The following CNKSR2 variants were observed in gnomAD, a reference collection of about 807,000 sequenced individuals.
CNKSR2 encodes CNK homolog protein 2.
In CNKSR2, 14 loss-of-function variants were observed where a neutral mutation model predicts 84.4. The observed-to-expected ratio is 0.17, with a 90% CI of 0.11 to 0.26. The LOEUF is 0.26. Ranked by LOEUF, CNKSR2 falls within the 10% of genes least tolerant of loss-of-function variation. The pLI is 1.00. For missense variants in CNKSR2, 485 were observed against 771.2 expected, an observed-to-expected ratio of 0.63 and a Z score of 4.40; for synonymous variants, 275 against 277.9, an observed-to-expected ratio of 0.99 and a Z score of 0.10.
intron 1 of CNKSR2, among the ~76,000 whole-genome samples, chrX:21,376,486 G>T (rs2089817599): frequency 9.0e-6 from 1 of 111,516 alleles, no homozygotes; most frequent in Non-Finnish European, 1.9e-5. Flanking sequence ...GGTGCCATGG[G>T]GGATATAAAG....
chrX:21,647,874 A>T (rs1386463684), intron 20 of CNKSR2, among the ~76,000 whole-genome samples: 1 of 111,670 alleles, frequency 9.0e-6, no homozygotes, highest in Admixed American at 9.5e-5. Context: ...CTATCTATTT[A>T]AAAAAAGATG....
At chrX:21,641,707 C>T (rs892018166) in intron 20 of CNKSR2, 1 of 1,083,998 alleles carries the variant, frequency 9.2e-7, no homozygotes. Flanking sequence ...CTAAAATGGC[C>T]TCGTCCTTGC....
intron 4 of CNKSR2, among the ~76,000 whole-genome samples, chrX:21,441,812 C>T (rs930224676): frequency 9.0e-6 from 1 of 111,566 alleles, no homozygotes; most frequent in African/African-American, 3.2e-5. Context: ...CATTTATTAC[C>T]AGGCTTTCAA....
At chrX:21,642,862 C>T (rs2092696063) in intron 20 of CNKSR2, 1 of 739,569 alleles carries the variant, frequency 1.4e-6, no homozygotes, top group African/African-American at 2.3e-5. Flanking sequence ...ATTGATCTGC[C>T]TTACAATTGC....
chrX:21,510,401 T>C (rs1349942664), intron 8 of CNKSR2, among the ~76,000 whole-genome samples: 2 of 111,767 alleles, frequency 1.8e-5, no homozygotes, highest in Non-Finnish European at 3.8e-5. Flanking sequence ...CTTACCTTTA[T>C]GTTTATTTGT....
At chrX:21,379,951 A>C (rs1203073167) in intron 1 of CNKSR2, among the ~76,000 whole-genome samples, 1 of 111,597 alleles carries the variant, frequency 9.0e-6, no homozygotes, top group Non-Finnish European at 1.9e-5. Context: ...TGTATACTAA[A>C]TGTAGCGGCA....
chrX:21,587,804 T>C (rs1005454307), intron 13 of CNKSR2, among the ~76,000 whole-genome samples: 1 of 111,873 alleles, frequency 8.9e-6, no homozygotes, highest in African/African-American at 3.3e-5. Context: ...TCTTTTTGAA[T>C]GTGAGGCTCT....
intron 1 of CNKSR2, among the ~76,000 whole-genome samples, chrX:21,413,642 T>G (rs2090375873): frequency 9.0e-6 from 1 of 110,729 alleles, no homozygotes; most frequent in Admixed American, 9.6e-5. Flanking sequence ...TTCCCTCCCT[T>G]TGGTAACCAT....
In CNKSR2 at chrX:21,400,881, A is replaced by T. The variant is rs766118428; in HGVS notation, c.65-25616A>T. 6.3e-5 allele frequency among the ~76,000 whole-genome samples: 7 copies of T among 111,513 alleles called. No individual in the cohort carries two copies. The East Asian group carries it at 1.7e-3, about 27-fold the overall frequency. On this transcript the variant is annotated intron_variant, in intron 1 of 21. Transcript: ENST00000379510. Reference sequence around the variant, plus strand: ...CTTGCCTAAATTTAGAGGTTTCATTATGTGTGGGCTGAAAGGGCAGATGAA... The same window carrying T: ...CTTGCCTAAATTTAGAGGTTTCATTTTGTGTGGGCTGAAAGGGCAGATGAA...
chrX:21,503,572 A>G (rs905375934), intron 8 of CNKSR2: 2 of 203,975 alleles, frequency 9.8e-6, no homozygotes, highest in African/African-American at 2.9e-5. Flanking sequence ...TCTTACTTCA[A>G]TTTTATTATA....
intron 1 of CNKSR2, among the ~76,000 whole-genome samples, chrX:21,412,175 C>T (rs2090354092): frequency 9.0e-6 from 1 of 111,594 alleles, no homozygotes; most frequent in Non-Finnish European, 1.9e-5. Context: ...TAGACGTGTC[C>T]TCAGAAGTAA....
Position 21,653,595 on chromosome X carries a change from C to G in CNKSR2, c.*1074C>G, listed in dbSNP as rs2092725600. 9.1e-6 allele frequency: 1 copy of G among 109,879 alleles called. No individual in the cohort carries two copies. Among genetic ancestry groups the G allele is most frequent in the African/African-American group, 3.3e-5 (1 of 30,248 alleles). 9.1% of individuals were successfully genotyped at this position (109,879 alleles called of 1,213,427 possible). A position where few individuals can be genotyped will look rare whatever the true frequency, so the allele number is the denominator to read the frequency against. Reference sequence around the variant, plus strand: ...AAAAATGTACTTCCCTTCTAAGGAGCAAGCAGGTGATGGTCATTCAAAGAG... The same window carrying G: ...AAAAATGTACTTCCCTTCTAAGGAGGAAGCAGGTGATGGTCATTCAAAGAG... On this transcript the variant is annotated 3_prime_UTR_variant, in exon 22 of 22. Coordinates refer to ENST00000379510, the MANE Select transcript of CNKSR2 (RefSeq NM_014927.5).
At chrX:21,527,658 C>G (rs1433801584) in intron 10 of CNKSR2, among the ~76,000 whole-genome samples, 2 of 110,752 alleles carry the variant, frequency 1.8e-5, no homozygotes, top group Non-Finnish European at 3.8e-5. Flanking sequence ...AGCTTTATGT[C>G]ATAATGCATT....
chrX:21,559,293 G>A (rs2092166732), intron 11 of CNKSR2, among the ~76,000 whole-genome samples: 1 of 110,270 alleles, frequency 9.1e-6, no homozygotes, highest in Non-Finnish European at 1.9e-5. Flanking sequence ...CCTGAGAGAG[G>A]ATTCAGGGTG....
intron 20 of CNKSR2, among the ~76,000 whole-genome samples, chrX:21,624,205 A>G (rs1418620286): frequency 8.9e-6 from 1 of 112,272 alleles, no homozygotes; most frequent in East Asian, 2.8e-4. Context: ...AAAGAAAGAA[A>G]GAAAACAAAG....
chrX:21,569,418 C>T, intron 13 of CNKSR2, among the ~76,000 whole-genome samples: 1 of 111,800 alleles, frequency 8.9e-6, no homozygotes, highest in Non-Finnish European at 1.9e-5. Flanking sequence ...AGCATTATAT[C>T]CACAGTAGAA....
intron 21 of CNKSR2, among the ~76,000 whole-genome samples, chrX:21,651,030 G>C (rs1161071906): frequency 1.8e-5 from 2 of 111,420 alleles, no homozygotes; most frequent in Non-Finnish European, 3.8e-5. Flanking sequence ...TTAGATTCAT[G>C]GATCTTAAAG....
chrX:21,624,570 C>T (rs1429290146), intron 20 of CNKSR2, among the ~76,000 whole-genome samples: 1 of 110,351 alleles, frequency 9.1e-6, no homozygotes, highest in African/African-American at 3.3e-5. Context: ...AGTGCGGTGG[C>T]GCGATCACAG....
intron 8 of CNKSR2, among the ~76,000 whole-genome samples, chrX:21,508,514 T>A (rs1245949758): frequency 8.9e-6 from 1 of 112,127 alleles, no homozygotes; most frequent in Non-Finnish European, 1.9e-5. Flanking sequence ...TATGTTTTGA[T>A]GAAGTAAAAG....
Sources: allele counts gnomAD v4.1 joint callset (sites outside exome capture counted in the v4.1 genomes callset), GRCh38; gene constraint gnomAD v4.1.1; transcripts MANE v1.5; gene names NCBI Gene and HGNC (gene_info 2026-07-23, HGNC 2026-07-21).